The following IGSF11 variants were observed in gnomAD, a reference collection of about 807,000 sequenced individuals.
IGSF11 encodes the protein immunoglobulin superfamily member 11.
A neutral mutation model predicts 41.0 loss-of-function variants in IGSF11; 22 were observed. The observed-to-expected ratio is 0.54, with a 90% CI of 0.38 to 0.77. The LOEUF (loss-of-function observed/expected upper bound fraction) is 0.77, where lower values mean the gene tolerates loss of function less well. Ranked by LOEUF, IGSF11 falls within the 30% of genes least tolerant of loss-of-function variation. The pLI is 0.00. For synonymous variants in IGSF11, 219 were observed against 201.3 expected, an observed-to-expected ratio of 1.09 and a Z score of -0.74; for missense variants, 444 against 530.8, an observed-to-expected ratio of 0.84 and a Z score of 1.61.
At chr3:118,906,990 T>C (rs1939684001) in intron 4 of IGSF11, among the ~76,000 whole-genome samples, 1 of 152,210 alleles carries the variant, frequency 6.6e-6, no homozygotes, top group Non-Finnish European at 1.5e-5. Flanking sequence ...GCCCTCCTTA[T>C]GCAGGAAAGA....
chr3:119,016,096 G>A (rs1938651836), intron 1 of IGSF11, among the ~76,000 whole-genome samples: 1 of 152,244 alleles, frequency 6.6e-6, no homozygotes. Context: ...GTAAGAGGCA[G>A]CATGGGAAAA....
intron 1 of IGSF11, among the ~76,000 whole-genome samples, chr3:119,135,374 C>G (rs1418521754): frequency 3.9e-5 from 6 of 152,114 alleles, no homozygotes; most frequent in Non-Finnish European, 8.8e-5. Context: ...AAGAAAGAAA[C>G]AAACAACCCC....
chr3:119,034,503 C>G (rs1331925504), intron 1 of IGSF11, 28 bp downstream of exon 1: 17 of 1,540,030 alleles, frequency 1.1e-5, no homozygotes, highest in Non-Finnish European at 1.2e-5. Flanking sequence ...CCTGGCCCCA[C>G]CGGGAAGAAA....
chr3:119,045,007 T>C (rs1031184154), intron 1 of IGSF11, among the ~76,000 whole-genome samples: 1 of 152,150 alleles, frequency 6.6e-6, no homozygotes, highest in Non-Finnish European at 1.5e-5. Context: ...AAAAAAGGAA[T>C]TCAAGCAACA....
Position 119,059,133 on chromosome 3 carries a change from A to C in IGSF11, c.49+46011T>G, listed in dbSNP as rs893080275. ...AAAACTTAAAGTATAATAATAATAAAATTTAAAAAAAGAAAGAAAATGTAG... is the reference window on the plus strand; with the variant it reads ...AAAACTTAAAGTATAATAATAATAACATTTAAAAAAAGAAAGAAAATGTAG... On this transcript the variant is annotated intron_variant, in intron 1 of 6. Coordinates refer to the IGSF11 transcript ENST00000354673. 2.8e-5 allele frequency among the ~76,000 whole-genome samples: 4 copies of C among 144,188 alleles called. No homozygotes were observed. The East Asian group carries it at 8.1e-4, about 29-fold the overall frequency. The allele number at this position is 144,188 out of a possible 152,430, so 94.6% of individuals were successfully genotyped here.
At chr3:119,058,286 A>T (rs1015478905) in intron 1 of IGSF11, among the ~76,000 whole-genome samples, 1 of 152,210 alleles carries the variant, frequency 6.6e-6, no homozygotes, top group African/African-American at 2.4e-5. Context: ...AGAAAAAAAC[A>T]AACAACCCCA....
At chr3:118,985,540 A>G (rs1935169045) in intron 1 of IGSF11, among the ~76,000 whole-genome samples, 1 of 152,164 alleles carries the variant, frequency 6.6e-6, no homozygotes, top group Non-Finnish European at 1.5e-5. Context: ...CTTGGATAAC[A>G]TCCCACAAGC....
intron 1 of IGSF11, among the ~76,000 whole-genome samples, chr3:119,073,624 G>A (rs568353834): frequency 5.4e-4 from 83 of 152,302 alleles, no homozygotes; most frequent in African/African-American, 1.9e-3. Context: ...CCCGGCGCAC[G>A]CTCTGCAGTT....
At chr3:119,087,180 A>G (rs2076689433) in intron 1 of IGSF11, among the ~76,000 whole-genome samples, 1 of 152,182 alleles carries the variant, frequency 6.6e-6, no homozygotes, top group Non-Finnish European at 1.5e-5. Flanking sequence ...GAGATTCCTT[A>G]CAGAACTAAA....
chr3:118,953,027 T>G (rs537702179), intron 1 of IGSF11, among the ~76,000 whole-genome samples: 2 of 152,206 alleles, frequency 1.3e-5, no homozygotes, highest in East Asian at 3.9e-4. Flanking sequence ...GTATCCAGTA[T>G]GTAGTCTTTT....
At chr3:119,089,612 CA>C (rs2076731262) in intron 1 of IGSF11, among the ~76,000 whole-genome samples, 1 of 152,138 alleles carries the variant, frequency 6.6e-6, no homozygotes, top group South Asian at 2.1e-4. Context: ...TAAAAGGCAT[CA>C]AAAGAGGAGA....
rs1392201287 is a variant in IGSF11, at chr3:119,034,616, C to G, written c.-34G>C. ...CGCAGGGAGCGCGCCTGCCTCCTAC[C>G]CGGCTCCCGGTCGCAACAGGAGAGG... On this transcript the variant is annotated 5_prime_UTR_variant, in exon 1 of 7. Transcript: ENST00000393775. The G allele has an allele frequency of 6.4e-7, 1 of 1,561,510 alleles. No individual in the cohort carries two copies. The highest frequency in any genetic ancestry group is 8.7e-7 in the Non-Finnish European group (1 of 1,155,118).
chr3:119,106,285 T>G (rs747818388), upstream of IGSF11, among the ~76,000 whole-genome samples: 1 of 152,230 alleles, frequency 6.6e-6, no homozygotes, highest in African/African-American at 2.4e-5. Flanking sequence ...AGTTATACTA[T>G]CAAATAGTAG....
rs1438928301 is a variant in IGSF11 at position 119,059,886 on chromosome 3, T to G, written c.49+45258A>C. ...AGTCTTGAGCAAGTGTAACAAAAAT[T>G]TAGGGATAAGGAAAGAAGAAGGAAA... is the stretch of plus-strand genomic sequence containing the variant. On this transcript the variant is annotated intron_variant, in intron 1 of 6. Coordinates refer to the IGSF11 transcript ENST00000354673. Among the ~76,000 whole-genome samples, 8 of 152,166 alleles carry G rather than the reference T, an allele frequency of 5.3e-5. No individual in the cohort carries two copies. The East Asian group carries it at 1.5e-3, about 29-fold the overall frequency.
intron 1 of IGSF11, among the ~76,000 whole-genome samples, chr3:119,060,730 C>T (rs1942027110): frequency 6.6e-6 from 1 of 152,118 alleles, no homozygotes; most frequent in African/African-American, 2.4e-5. Context: ...GTGTTCTTTC[C>T]ACTATATGCA....
intron 3 of IGSF11, among the ~76,000 whole-genome samples, chr3:118,927,565 G>A (rs1343563849): frequency 6.6e-5 from 10 of 152,236 alleles, no homozygotes; most frequent in East Asian, 1.9e-4. Flanking sequence ...ACCAAAGGCC[G>A]AGGGAAAATG....
At chr3:119,095,635 G>C (rs1334950041) in intron 1 of IGSF11, among the ~76,000 whole-genome samples, 1 of 152,160 alleles carries the variant, frequency 6.6e-6, no homozygotes, top group Non-Finnish European at 1.5e-5. Flanking sequence ...AGTAGCCAAA[G>C]CTTCATGTTC....
At chr3:119,064,188 T>C (rs972550288) in intron 1 of IGSF11, among the ~76,000 whole-genome samples, 10 of 149,532 alleles carry the variant, frequency 6.7e-5, no homozygotes, top group Non-Finnish European at 1.5e-4. Flanking sequence ...AAAGCTTTTT[T>C]GTTTTACTTT....
Position 118,904,661 on chromosome 3 carries a change from G to A in IGSF11, c.841C>T (p.Pro281Ser). The A allele has an allele frequency of 6.2e-7, 1 of 1,609,688 alleles. No individual in the cohort carries two copies. Among genetic ancestry groups the A allele is most frequent in the Non-Finnish European group, 8.5e-7 (1 of 1,177,718 alleles). Residue 281 changes from proline to serine, a missense_variant, in exon 6 of 7, where the codon CCT becomes TCT. Pro to Ser is a moderately conservative substitution (Grantham distance 74, BLOSUM62 -1). Transcript: ENST00000393775. Reference sequence around the variant, plus strand: ...TGACATACAAACCTTATTTCATTAGGAATTTCTTCTTCTTCCTCCTCTTTA... The same window carrying A: ...TGACATACAAACCTTATTTCATTAGAAATTTCTTCTTCTTCCTCCTCTTTA... ...KNKEEEEEEI[P>S]NEIREDDLPP...
Sources: gnomAD v4.1 joint callset for allele counts (sites outside exome capture counted in the v4.1 genomes callset) on GRCh38, gnomAD v4.1.1 for gene constraint, MANE v1.5 for transcripts, NCBI Gene and HGNC (gene_info 2026-07-23, HGNC 2026-07-21) for gene names.